The following ATP10D variants were observed in gnomAD, a reference collection of about 807,000 sequenced individuals.
The protein encoded by ATP10D is phospholipid-transporting ATPase VD.
In ATP10D, 89 loss-of-function variants were observed where a neutral mutation model predicts 144.8. That is an observed-to-expected ratio of 0.61 (90% CI 0.52 to 0.73). The LOEUF (loss-of-function observed/expected upper bound fraction) is 0.73, where lower values mean the gene tolerates loss of function less well. Ranked by LOEUF, ATP10D falls within the 30% of genes least tolerant of loss-of-function variation. The pLI is 0.00. For synonymous variants in ATP10D, 571 were observed against 615.1 expected, an observed-to-expected ratio of 0.93 and a Z score of 1.06; for missense variants, 1,603 against 1,714.8, an observed-to-expected ratio of 0.93 and a Z score of 1.15.
chr4:47,499,765 C>T (rs1450966568), intron 1 of ATP10D, among the ~76,000 whole-genome samples: 2 of 152,318 alleles, frequency 1.3e-5, no homozygotes, highest in Admixed American at 1.3e-4. Flanking sequence ...AAACCTTAAA[C>T]TGTCTTTAAA....
Position 47,559,247 on chromosome 4 carries a change from T to C in ATP10D, c.2541+218T>C, listed in dbSNP as rs541402033. 1.4e-4 allele frequency among the ~76,000 whole-genome samples: 22 copies of C among 152,348 alleles called. No homozygotes were observed. The East Asian group carries it at 2.3e-3, about 16-fold the overall frequency. On this transcript the variant is annotated intron_variant, in intron 13 of 22. Coordinates refer to ENST00000273859, the MANE Select transcript of ATP10D (RefSeq NM_020453.4). ...CCTAAAACTTATAGTCTCTAAGTTC[T>C]TGTATGTTTCAATATGTCCGTGAGT...
chr4:47,553,990 A>C (rs951471584), intron 10 of ATP10D, among the ~76,000 whole-genome samples: 1 of 152,168 alleles, frequency 6.6e-6, no homozygotes, highest in South Asian at 2.1e-4. Context: ...GCAGTTAACT[A>C]TATGTTACTG....
chr4:47,489,806 T>C (rs188347032), intron 1 of ATP10D, among the ~76,000 whole-genome samples: 6 of 152,310 alleles, frequency 3.9e-5, no homozygotes, highest in Admixed American at 3.9e-4. Flanking sequence ...TAAGCATTGT[T>C]GAACAGATTT....
chr4:47,586,923 T>A, intron 21 of ATP10D, 96 bp from the exon 22 acceptor site: 1 of 1,073,692 alleles, frequency 9.3e-7, no homozygotes. Flanking sequence ...ATCCAGTGCT[T>A]AGATGTGTTG....
intron 16 of ATP10D, among the ~76,000 whole-genome samples, chr4:47,571,822 G>T (rs2099860730): frequency 6.6e-6 from 1 of 152,212 alleles, no homozygotes; most frequent in Non-Finnish European, 1.5e-5. Flanking sequence ...TGAGCTGGGG[G>T]TGATCAGGAC....
intron 1 of ATP10D, among the ~76,000 whole-genome samples, chr4:47,497,023 G>T (rs1405762491): frequency 6.6e-6 from 1 of 151,970 alleles, no homozygotes; most frequent in African/African-American, 2.4e-5. Context: ...TGTATTTTTA[G>T]TAGAAACGGG....
At chr4:47,547,587 T>A (rs1718506679) in intron 10 of ATP10D, 1 of 152,230 alleles carries the variant, frequency 6.6e-6, no homozygotes, top group African/African-American at 2.4e-5. Context: ...TACATTTTAT[T>A]AAGTCTTGTG....
At chr4:47,577,967 C>CA (rs1366874476) in intron 19 of ATP10D, among the ~76,000 whole-genome samples, 2 of 152,142 alleles carry the variant, frequency 1.3e-5, no homozygotes, top group African/African-American at 4.8e-5. Context: ...GATTTTCAGT[C>CA]AAAGTTTTTA....
chr4:47,536,523 G>A lies in ATP10D; in HGVS notation c.1102G>A (p.Ala368Thr). ...TGGACATATCATATCACCACTGTTG[G>A]CAGGATTTTATATGTTTTGGACCAT... is the stretch of plus-strand genomic sequence containing the variant. ...PDGHIISPLL[A>T]GFYMFWTMII... The change falls in exon 8 of 23, where the codon GCA becomes ACA. Residue 368 changes from alanine (A) to threonine (T), a missense_variant. Ala to Thr is a moderately conservative substitution (Grantham distance 58). Transcript: ENST00000273859. 1 of 1,613,556 alleles carries A rather than the reference G, an allele frequency of 6.2e-7. No homozygotes were observed. The highest frequency in any genetic ancestry group is 8.5e-7 in the Non-Finnish European group (1 of 1,179,662).
In ATP10D at chr4:47,546,759, A is replaced by G. The variant is rs10003238; in HGVS notation, c.1532A>G (p.Asn511Ser). The G allele has an allele frequency of 5.7e-3, 9,260 of 1,614,102 alleles. 403 individuals are homozygous for G. In the African/African-American group the frequency reaches 0.097, roughly 17 times the overall value. Residue 511 changes from asparagine to serine, a missense_variant, in exon 10 of 23, where the codon AAT becomes AGT. By Grantham distance (46) the Asn-to-Ser change is conservative. Coordinates refer to ENST00000273859, the MANE Select transcript of ATP10D (RefSeq NM_020453.4). The stretch of plus-strand genomic sequence containing the variant: ...ACAGTTCATAATGGGCCTTTGGGAA[A>G]TAAGCCCTCAAATCATCTTGCTGGG... ...CRTVHNGPLG[N>S]KPSNHLAGSS... is the part of the protein sequence containing the mutation.
intron 3 of ATP10D, 79 bp from the exon 4 acceptor site, chr4:47,522,932 TA>T: frequency 2.5e-6 from 3 of 1,185,568 alleles, no homozygotes; most frequent in Non-Finnish European, 3.6e-6. Flanking sequence ...AATTATACGC[TA>T]AAAAATTTTT....
At chr4:47,521,209 G>T (rs551656318) in intron 3 of ATP10D, among the ~76,000 whole-genome samples, 1 of 152,128 alleles carries the variant, frequency 6.6e-6, no homozygotes, top group Non-Finnish European at 1.5e-5. Flanking sequence ...ATGATCTCCA[G>T]ATCAGGACCC....
At chr4:47,491,435 G>A (rs968106938) in intron 1 of ATP10D, 12 of 711,940 alleles carry the variant, frequency 1.7e-5, no homozygotes, top group African/African-American at 1.6e-4. Context: ...ATGGGGTGCC[G>A]CTCCTCTTTC....
At chr4:47,512,855 C>T in intron 2 of ATP10D, 25 bp downstream of exon 2, 1 of 1,565,646 alleles carries the variant, frequency 6.4e-7, no homozygotes, top group South Asian at 1.2e-5. Flanking sequence ...TTGAAGAAAA[C>T]CTTAGAATAT....
At chr4:47,516,136 A>G (rs956840953) in intron 3 of ATP10D, among the ~76,000 whole-genome samples, 2 of 152,054 alleles carry the variant, frequency 1.3e-5, no homozygotes, top group Admixed American at 6.6e-5. Context: ...AGGCTGAGGC[A>G]GGAGAATCGC....
intron 9 of ATP10D, among the ~76,000 whole-genome samples, chr4:47,538,006 C>T (rs932614962): frequency 1.3e-5 from 2 of 152,116 alleles, no homozygotes; most frequent in East Asian, 1.9e-4. Context: ...TTTTATAAGA[C>T]ACATTTTCCT....
At position 47,574,652 on chromosome 4, in the gene ATP10D, C is replaced by T. The variant is rs147838661; in HGVS notation, c.3366+1655C>T. Among the ~76,000 whole-genome samples the T allele has an allele frequency of 3.0e-4, 46 of 152,068 alleles. No individual in the cohort carries two copies. The East Asian group carries it at 7.0e-3, about 23-fold the overall frequency. On this transcript the variant is annotated intron_variant, in intron 18 of 22. Coordinates refer to ENST00000273859, the MANE Select transcript of ATP10D (RefSeq NM_020453.4). ...CTGTAAGCCCAGCACTTTGGGAGGCCGAAGCAGATAGATCACGAGGTCAAG... is the reference window on the plus strand; with the variant it reads ...CTGTAAGCCCAGCACTTTGGGAGGCTGAAGCAGATAGATCACGAGGTCAAG...
intron 3 of ATP10D, among the ~76,000 whole-genome samples, chr4:47,518,761 T>G (rs1716805813): frequency 6.6e-6 from 1 of 152,298 alleles, no homozygotes; most frequent in African/African-American, 2.4e-5. Context: ...TTCTTCAAAT[T>G]TTCTTGAAAA....
chr4:47,520,678 C>A (rs555432784), intron 3 of ATP10D, among the ~76,000 whole-genome samples: 1 of 152,228 alleles, frequency 6.6e-6, no homozygotes, highest in East Asian at 1.9e-4. Context: ...AAGCGATTCC[C>A]CTGCCTCAGC....
Sources: allele counts gnomAD v4.1 joint callset (sites outside exome capture counted in the v4.1 genomes callset), GRCh38; gene constraint gnomAD v4.1.1; transcripts MANE v1.5; gene names NCBI Gene and HGNC (gene_info 2026-07-23, HGNC 2026-07-21).